Variants in PALLD observed in about 807,000 individuals in gnomAD.
The protein encoded by PALLD is palladin.
A neutral mutation model predicts 123.5 loss-of-function variants in PALLD; 61 were observed. That is an observed-to-expected ratio of 0.49 (90% CI 0.40 to 0.61). The LOEUF (loss-of-function observed/expected upper bound fraction) is 0.61, where lower values mean the gene tolerates loss of function less well. Ranked by LOEUF, PALLD falls within the 20% of genes least tolerant of loss-of-function variation. The pLI is 0.00. For synonymous variants in PALLD, 465 were observed against 496.4 expected, an observed-to-expected ratio of 0.94 and a Z score of 0.84; for missense variants, 1,273 against 1,377.0, an observed-to-expected ratio of 0.92 and a Z score of 1.20.
chr4:168,543,698 C>A (rs1765865667), intron 2 of PALLD, among the ~76,000 whole-genome samples: 1 of 152,202 alleles, frequency 6.6e-6, no homozygotes, highest in East Asian at 1.9e-4. Flanking sequence ...CCACAACCAG[C>A]CAAGCTGGGA....
intron 5 of PALLD, among the ~76,000 whole-genome samples, 157 bp from the exon 6 acceptor site, chr4:168,685,328 T>C (rs1781928465): frequency 6.6e-6 from 1 of 152,212 alleles, no homozygotes; most frequent in African/African-American, 2.4e-5. Flanking sequence ...GAACAATGTC[T>C]GTACTGTAAG....
chr4:168,905,790 C>CTTTTTTT lies in PALLD; in HGVS notation c.2622+1898_2622+1904dup, dbSNP rs59427697. On this transcript the variant is annotated intron_variant, in intron 15 of 21. Coordinates refer to ENST00000505667, the MANE Select transcript of PALLD (RefSeq NM_001166108.2). ...ACAAAAGCGGAACTTGCTTTTTTTT[C>CTTTTTTT]TTTTTTTTTTTTTTTTTTTTCTTTT... is the stretch of plus-strand genomic sequence containing the variant. Among the ~76,000 whole-genome samples, 782 of 113,062 alleles carry CTTTTTTT rather than the reference C, an allele frequency of 6.9e-3. 2 individuals are homozygous for CTTTTTTT. The highest frequency in any genetic ancestry group is 0.011 in the Middle Eastern group (2 of 182). The allele number at this position is 113,062 out of a possible 152,430, so 74.2% of individuals were successfully genotyped here. A position where few individuals can be genotyped will look rare whatever the true frequency, so the allele number is the denominator to read the frequency against.
intron 10 of PALLD, among the ~76,000 whole-genome samples, chr4:168,770,829 CG>C (rs879797846): frequency 1.2e-4 from 19 of 152,214 alleles, no homozygotes; most frequent in Middle Eastern, 3.4e-3. Context: ...GAGGCTGAGG[CG>C]GGTGGATCAC....
At chr4:168,608,561 T>C (rs1580554111) in intron 2 of PALLD, among the ~76,000 whole-genome samples, 1 of 152,338 alleles carries the variant, frequency 6.6e-6, no homozygotes, top group East Asian at 1.9e-4. Flanking sequence ...ATGTAACATG[T>C]ATCAAGACCT....
chr4:168,835,205 T>C (rs1744963649), intron 10 of PALLD, among the ~76,000 whole-genome samples: 1 of 152,242 alleles, frequency 6.6e-6, no homozygotes, highest in African/African-American at 2.4e-5. Flanking sequence ...TTTTCAGCAC[T>C]TATTTCAAGA....
chr4:168,604,180 A>G (rs1772944576), intron 2 of PALLD, among the ~76,000 whole-genome samples: 1 of 152,250 alleles, frequency 6.6e-6, no homozygotes, highest in African/African-American at 2.4e-5. Context: ...GAGGTTAGAC[A>G]GTAACATCAG....
chr4:168,853,492 G>A (rs112533241), intron 10 of PALLD, among the ~76,000 whole-genome samples: 5,292 of 152,232 alleles, frequency 0.035, 125 homozygotes, highest in Middle Eastern at 0.058. Context: ...CGAAAAAAAT[G>A]TGCCACAACC....
rs1235577783 is a variant in PALLD, at chr4:168,807,898, G to A, written c.1965-83024G>A. Reference sequence around the variant, plus strand: ...TTTTTGTATTTTTAGTAGAGACAGGGTTTCACCATGTTGGTCAAGCTGGTC... The same window carrying A: ...TTTTTGTATTTTTAGTAGAGACAGGATTTCACCATGTTGGTCAAGCTGGTC... On this transcript the variant is annotated intron_variant, in intron 10 of 21. Transcript: ENST00000505667. Among the ~76,000 whole-genome samples the A allele has an allele frequency of 2.6e-5, 4 of 151,970 alleles. No individual in the cohort carries two copies. The East Asian group carries it at 7.8e-4, about 30-fold the overall frequency.
intron 2 of PALLD, among the ~76,000 whole-genome samples, chr4:168,573,094 G>A (rs1470202189): frequency 1.3e-5 from 2 of 151,668 alleles, no homozygotes; most frequent in African/African-American, 4.8e-5. Context: ...TGTGTTCTGA[G>A]TAAGCTTTCT....
At chr4:168,813,105 T>TCG (rs1554087681) in intron 10 of PALLD, among the ~76,000 whole-genome samples, 1 of 151,144 alleles carries the variant, frequency 6.6e-6, no homozygotes, top group Non-Finnish European at 1.5e-5. Flanking sequence ...AACGTACTTT[T>TCG]GGGGGGGGCG....
intron 15 of PALLD, among the ~76,000 whole-genome samples, chr4:168,906,089 A>G (rs905212997): frequency 1.3e-5 from 2 of 152,154 alleles, no homozygotes; most frequent in African/African-American, 2.4e-5. Context: ...AAAATGGTGG[A>G]GAACTGACAA....
intron 15 of PALLD, among the ~76,000 whole-genome samples, chr4:168,910,960 C>T (rs903884225): frequency 6.6e-6 from 1 of 152,068 alleles, no homozygotes; most frequent in African/African-American, 2.4e-5. Flanking sequence ...TGCTGGGGCT[C>T]CTAAAAACCA....
intron 15 of PALLD, among the ~76,000 whole-genome samples, chr4:168,904,953 CCT>C (rs1233659408): frequency 1.3e-5 from 2 of 151,818 alleles, no homozygotes; most frequent in East Asian, 2.0e-4. Flanking sequence ...ATGGCGAAAC[CCT>C]GTCTCTACTA....
chr4:168,731,719 T>C (rs1166750838), intron 10 of PALLD, among the ~76,000 whole-genome samples: 1 of 152,154 alleles, frequency 6.6e-6, no homozygotes, highest in Non-Finnish European at 1.5e-5. Context: ...CTTCAAGAAG[T>C]GGCAAGGAAA....
intron 8 of PALLD, among the ~76,000 whole-genome samples, chr4:168,707,799 C>A (rs1414458990): frequency 6.6e-6 from 1 of 152,166 alleles, no homozygotes; most frequent in East Asian, 1.9e-4. Flanking sequence ...TGTGAATAAC[C>A]AATAGAATCA....
intron 10 of PALLD, among the ~76,000 whole-genome samples, chr4:168,741,777 A>C (rs925875898): frequency 6.6e-6 from 1 of 152,208 alleles, no homozygotes; most frequent in African/African-American, 2.4e-5. Flanking sequence ...GACCTAGAAC[A>C]TGAGTGCCTC....
intron 10 of PALLD, among the ~76,000 whole-genome samples, chr4:168,760,870 A>G (rs1404468158): frequency 3.0e-4 from 46 of 152,208 alleles, no homozygotes; most frequent in Admixed American, 3.0e-3. Flanking sequence ...AAATGGAACA[A>G]TGGTTTTTTT....
At chr4:168,666,278 T>G (rs1221961412) in intron 2 of PALLD, among the ~76,000 whole-genome samples, 2 of 152,104 alleles carry the variant, frequency 1.3e-5, no homozygotes, top group Non-Finnish European at 2.9e-5. Flanking sequence ...CCCCAGTAGG[T>G]GGTTTATATC....
intron 6 of PALLD, chr4:168,686,683 G>C (rs974204747): frequency 2.6e-5 from 4 of 152,276 alleles, no homozygotes; most frequent in African/African-American, 7.2e-5. Context: ...GTATCATCTC[G>C]ATCTTAGTAT....
Sources: allele counts gnomAD v4.1 joint callset (sites outside exome capture counted in the v4.1 genomes callset), GRCh38; gene constraint gnomAD v4.1.1; transcripts MANE v1.5; gene names NCBI Gene and HGNC (gene_info 2026-07-23, HGNC 2026-07-21).